The following NCAM1 variants were observed in gnomAD, a reference collection of about 807,000 sequenced individuals.
NCAM1 encodes neural cell adhesion molecule 1, also known as antigen recognized by monoclonal antibody 5.1H11.
NCAM1 carries 14 observed loss-of-function variants against 109.8 expected under a neutral mutation model. The ratio of observed to expected loss-of-function variants is 0.13; its 90% CI spans 0.08 to 0.20. NCAM1 has a LOEUF of 0.20. NCAM1 is among the 10% of genes least tolerant of loss of function. The probability of loss-of-function intolerance (pLI) is 1.00; values close to 1 mark genes in which losing one functional copy is unlikely to be tolerated. For synonymous variants in NCAM1, 418 were observed against 442.9 expected (o/e 0.94, Z 0.70); for missense variants, 774 against 1,109.9 (o/e 0.70, Z 4.30).
At chr11:113,059,155 C>T (rs1953827253) in intron 1 of NCAM1, among the ~76,000 whole-genome samples, 1 of 152,114 alleles carries the variant, frequency 6.6e-6, no homozygotes, top group African/African-American at 2.4e-5. Flanking sequence ...GCCATTTAAC[C>T]TTTATGGGCC....
At chr11:113,232,552 C>G (rs1945043511) in intron 11 of NCAM1, among the ~76,000 whole-genome samples, 166 bp from the exon 12 acceptor site, 1 of 152,180 alleles carries the variant, frequency 6.6e-6, no homozygotes, top group Admixed American at 6.5e-5. Context: ...TGTGCCTCTC[C>G]CATGAGCCCC....
At chr11:113,101,080 TTATGTTA>T (rs1313826205) in intron 1 of NCAM1, among the ~76,000 whole-genome samples, 3 of 152,144 alleles carry the variant, frequency 2.0e-5, no homozygotes, top group African/African-American at 7.2e-5. Context: ...AGATTCCAGT[TTATGTTA>T]TGCCTGGAGG....
At chr11:113,269,916 G>A (rs1555124908) in intron 17 of NCAM1, 4 of 524,530 alleles carry the variant, frequency 7.6e-6, no homozygotes, top group Non-Finnish European at 1.4e-5. Context: ...GGCTCAGTCT[G>A]CTCCCAGGAC....
chr11:113,202,462 C>G lies in NCAM1; in HGVS notation c.127+9C>G, dbSNP rs1944097824. The G allele has an allele frequency of 6.2e-7, 1 of 1,604,994 alleles. No homozygotes were observed. The highest frequency in any genetic ancestry group is 1.1e-5 in the South Asian group (1 of 88,248). On this transcript the variant is annotated intron_variant, in intron 2 of 19. Coordinates refer to ENST00000316851, the MANE Select transcript of NCAM1 (RefSeq NM_181351.5). ...ATTCTTCTTATGCCAAGGCAAGTGC[C>G]TAGTGCTCAGCTGCATTTTAGAACT...
chr11:113,254,887 G>A (rs1323876418), intron 15 of NCAM1, among the ~76,000 whole-genome samples: 2 of 152,178 alleles, frequency 1.3e-5, no homozygotes, highest in African/African-American at 4.8e-5. Context: ...CTTTGTATAT[G>A]AGACGTCCTC....
At chr11:113,229,879 A>T (rs1379041479) in intron 9 of NCAM1, among the ~76,000 whole-genome samples, 1 of 152,142 alleles carries the variant, frequency 6.6e-6, no homozygotes, top group East Asian at 1.9e-4. Context: ...TGGGAATTGA[A>T]CAATGAGAAC....
At chr11:113,153,585 T>C (rs1942312601) in intron 1 of NCAM1, among the ~76,000 whole-genome samples, 1 of 152,058 alleles carries the variant, frequency 6.6e-6, no homozygotes, top group African/African-American at 2.4e-5. Context: ...ATGAAAGAAC[T>C]GGTTTTAGTG....
rs868934906 is a variant in NCAM1 at position 113,034,858 on chromosome 11, G to C, written c.52+73194G>C. Among the ~76,000 whole-genome samples the C allele has an allele frequency of 3.3e-5, 5 of 152,158 alleles. No individual in the cohort carries two copies. In the Middle Eastern group the frequency reaches 0.01, roughly 311 times the overall value. On this transcript the variant is annotated intron_variant, in intron 1 of 19. Coordinates refer to ENST00000316851, the MANE Select transcript of NCAM1 (RefSeq NM_181351.5). ...ATGCCATTTGTGATGAGAAATTCAG[G>C]GCTGAAAAATAGTTTCTATTCTCCT...
At chr11:113,027,728 C>T (rs1425105905) in intron 1 of NCAM1, among the ~76,000 whole-genome samples, 5 of 152,258 alleles carry the variant, frequency 3.3e-5, no homozygotes, top group East Asian at 3.9e-4. Flanking sequence ...TTCCAAATAA[C>T]GAAAGACCTG....
At chr11:113,091,461 G>A (rs1321453307) in intron 1 of NCAM1, among the ~76,000 whole-genome samples, 1 of 152,186 alleles carries the variant, frequency 6.6e-6, no homozygotes, top group Non-Finnish European at 1.5e-5. Flanking sequence ...CTTGGAAATA[G>A]CAGCTTATAA....
intron 1 of NCAM1, among the ~76,000 whole-genome samples, chr11:113,128,027 G>A (rs1355767557): frequency 1.3e-5 from 2 of 152,208 alleles, no homozygotes; most frequent in African/African-American, 4.8e-5. Context: ...GACTGCTGGG[G>A]CCGACAGTGT....
chr11:113,175,427 G>A (rs1452579710), intron 1 of NCAM1, among the ~76,000 whole-genome samples: 1 of 152,204 alleles, frequency 6.6e-6, no homozygotes, highest in African/African-American at 2.4e-5. Context: ...TTACATATAT[G>A]TCATTGATTT....
intron 1 of NCAM1, among the ~76,000 whole-genome samples, chr11:113,097,498 C>T (rs906664207): frequency 6.6e-6 from 1 of 151,466 alleles, no homozygotes; most frequent in African/African-American, 2.4e-5. Flanking sequence ...AGTCAACAAA[C>T]ATACCCTCCC....
intron 18 of NCAM1, 62 bp from the exon 19 acceptor site, chr11:113,271,698 C>T (rs1555125367): frequency 1.4e-5 from 19 of 1,319,542 alleles, no homozygotes; most frequent in Non-Finnish European, 2.0e-5. Flanking sequence ...CATAGCTGCT[C>T]TTCCGTGGGA....
At chr11:113,196,231 A>G (rs974250777) in intron 1 of NCAM1, among the ~76,000 whole-genome samples, 1 of 152,150 alleles carries the variant, frequency 6.6e-6, no homozygotes, top group Non-Finnish European at 1.5e-5. Flanking sequence ...ATCCAATCGC[A>G]TTTGTTCGGT....
chr11:113,149,380 A>G (rs928991321), intron 1 of NCAM1, among the ~76,000 whole-genome samples: 1 of 152,172 alleles, frequency 6.6e-6, no homozygotes, highest in Non-Finnish European at 1.5e-5. Flanking sequence ...TGGATTCAAA[A>G]AACCCACTGG....
intron 1 of NCAM1, among the ~76,000 whole-genome samples, chr11:113,158,880 A>G (rs1591374675): frequency 1.3e-5 from 2 of 152,238 alleles, no homozygotes; most frequent in East Asian, 3.8e-4. Context: ...AACATCACCC[A>G]ATAACAGCAG....
At chr11:113,178,343 T>C (rs1555107418) in intron 1 of NCAM1, among the ~76,000 whole-genome samples, 2 of 152,112 alleles carry the variant, frequency 1.3e-5, no homozygotes, top group East Asian at 1.9e-4. Context: ...TGCATTAATG[T>C]GTTGACTTAA....
intron 17 of NCAM1, chr11:113,269,769 A>G: frequency 4.3e-6 from 1 of 230,528 alleles, no homozygotes; most frequent in South Asian, 6.9e-5. Flanking sequence ...CCTATCCCTG[A>G]GCACTTGAGG....
Sources: gnomAD v4.1 joint callset for allele counts (sites outside exome capture counted in the v4.1 genomes callset) on GRCh38, gnomAD v4.1.1 for gene constraint, MANE v1.5 for transcripts, NCBI Gene and HGNC (gene_info 2026-07-23, HGNC 2026-07-21) for gene names.